Variants in DLGAP3 observed in about 807,000 individuals in gnomAD.
The protein encoded by DLGAP3 is disks large-associated protein 3.
A neutral mutation model predicts 81.2 loss-of-function variants in DLGAP3; 17 were observed. That is an observed-to-expected ratio of 0.21 (90% CI 0.14 to 0.31). The LOEUF (loss-of-function observed/expected upper bound fraction) is 0.31. DLGAP3 is among the 10% of genes least tolerant of loss of function. The pLI, the probability that DLGAP3 is intolerant of heterozygous loss-of-function variation, is 1.00. For missense variants in DLGAP3, 1,124 were observed against 1,388.0 expected (o/e 0.81, Z 3.02); for synonymous variants, 577 against 587.4 (o/e 0.98, Z 0.26).
At chr1:34,909,299 TA>T (rs1228748637) in intron 1 of DLGAP3, among the ~76,000 whole-genome samples, 4 of 152,170 alleles carry the variant, frequency 2.6e-5, no homozygotes, top group African/African-American at 4.8e-5. Context: ...ATGGGCCCTA[TA>T]ATTGCTGCTC....
intron 8 of DLGAP3, among the ~76,000 whole-genome samples, chr1:34,876,808 G>C (rs963830012): frequency 3.9e-5 from 6 of 152,124 alleles, no homozygotes; most frequent in Non-Finnish European, 8.8e-5. Context: ...TTACACAAGA[G>C]CAAGGAAGGC....
In DLGAP3 at chr1:34,869,051, C is replaced by G; in HGVS notation, c.2039G>C (p.Gly680Ala). The change falls in exon 9 of 12, where the codon GGC (glycine) becomes GCC (alanine). Residue 680 changes from glycine to alanine, a missense_variant. Physicochemically the swap from Gly to Ala is moderately conservative, Grantham distance 60. Transcript: ENST00000373347. ...RFKRSNSVTAGVQADLELEGL... is the reference protein window; with the variant it reads ...RFKRSNSVTAAVQADLELEGL... ...CTCCAGCTCCAGGTCTGCCTGCACG[C>G]CAGCCGTCACACTATTGGAGCGCTT... The G allele has an allele frequency of 6.3e-7, 1 of 1,598,586 alleles. No individual in the cohort carries two copies. The highest frequency in any genetic ancestry group is 1.7e-4 in the Middle Eastern group (1 of 6,050).
At position 34,929,048 on chromosome 1, in the gene DLGAP3, C is replaced by T. The variant is rs1639917267; in HGVS notation, c.-135+403G>A. ...CACACTCGGCACAGACACACAGCGA[C>T]ACGCACTCACATTCACACACCTGCA... On this transcript the variant is annotated intron_variant, in intron 1 of 11. Coordinates refer to ENST00000373347, the MANE Select transcript of DLGAP3 (RefSeq NM_001080418.3). This position sits in a 1 kb window ranked among gnomAD's most constrained non-coding sequence, Gnocchi z 6.5. Among the ~76,000 whole-genome samples the T allele has an allele frequency of 6.6e-6, 1 of 152,144 alleles. No homozygotes were observed. The highest frequency in any genetic ancestry group is 1.5e-5 in the Non-Finnish European group (1 of 68,026).
At position 34,904,956 on chromosome 1, in the gene DLGAP3, C is replaced by T; in HGVS notation, c.428G>A (p.Arg143Gln). 2 of 1,613,078 alleles carry T rather than the reference C, an allele frequency of 1.2e-6. No individual in the cohort carries two copies. Among genetic ancestry groups the T allele is most frequent in the Non-Finnish European group, 8.5e-7 (1 of 1,179,736 alleles). ...CCCGGGCCCTGCCCCTGCTGGCCCTCGCTGGTATGGTAGTGTGTGGAAGCC... is the reference window on the plus strand; with the variant it reads ...CCCGGGCCCTGCCCCTGCTGGCCCTTGCTGGTATGGTAGTGTGTGGAAGCC... ...QDGFHTLPYQ[R>Q]GPAGAGPGPA... The change falls in exon 3 of 12, where the codon CGA (arginine) becomes CAA (glutamine). Residue 143 changes from arginine (R) to glutamine (Q), a missense_variant. Arg to Gln is a conservative substitution (Grantham distance 43, BLOSUM62 1). Transcript: ENST00000373347. The surrounding 1 kb of genome is among the most constrained non-coding windows in gnomAD (Gnocchi z 8.1).
rs1639003999 is a variant in DLGAP3 at position 34,873,122 on chromosome 1, G to A, written c.2001-4033C>T. Among the ~76,000 whole-genome samples, 1 of 152,218 alleles carries A rather than the reference G, an allele frequency of 6.6e-6. No individual in the cohort carries two copies. Among genetic ancestry groups the A allele is most frequent in the African/African-American group, 2.4e-5 (1 of 41,450 alleles). On this transcript the variant is annotated intron_variant, in intron 8 of 11. Transcript: ENST00000373347. This position sits in a 1 kb window ranked among gnomAD's most constrained non-coding sequence, Gnocchi z 4.2. ...TCCTCACAAACAGTCCCACTCTATGGATGTTAGTGTCAGCCCTACTTGTAG... is the reference window on the plus strand; with the variant it reads ...TCCTCACAAACAGTCCCACTCTATGAATGTTAGTGTCAGCCCTACTTGTAG...
intron 8 of DLGAP3, among the ~76,000 whole-genome samples, chr1:34,878,888 G>C (rs1639100356): frequency 6.6e-6 from 1 of 151,938 alleles, no homozygotes; most frequent in Non-Finnish European, 1.5e-5. Context: ...GGCTAACATG[G>C]TGAAATCCCG....
rs4548402 is a variant in DLGAP3 at position 34,897,919 on chromosome 1, A to G, written c.1386+1750T>C. ...AAGACTGACTTCAGGCTTTTAAACC[A>G]GAGCTTCTAGAAGGATAAAGTTGCC... On this transcript the variant is annotated intron_variant, in intron 5 of 11. Coordinates refer to ENST00000373347, the MANE Select transcript of DLGAP3 (RefSeq NM_001080418.3). Among the ~76,000 whole-genome samples the G allele has an allele frequency of 1.4e-3, 206 of 152,304 alleles. 1 individual carries two copies. Among genetic ancestry groups the G allele is most frequent in the African/African-American group, 4.8e-3 (199 of 41,552 alleles).
chr1:34,923,919 G>A (rs1639831830), intron 1 of DLGAP3, among the ~76,000 whole-genome samples: 1 of 152,096 alleles, frequency 6.6e-6, no homozygotes, highest in African/African-American at 2.4e-5. Context: ...TTTTTGCCCA[G>A]TATTATCTGG....
Position 34,868,548 on chromosome 1 carries a change from T to G in DLGAP3, c.2485+57A>C. On this transcript the variant is annotated intron_variant, in intron 9 of 11. Coordinates refer to ENST00000373347, the MANE Select transcript of DLGAP3 (RefSeq NM_001080418.3). This position sits in a 1 kb window ranked among gnomAD's most constrained non-coding sequence, Gnocchi z 7.5. ...CCCAGCCACCCCCATCAGGGTCTCC[T>G]GAGCACACACGAGGCCATGGTCCCC... 6.7e-7 allele frequency: 1 copy of G among 1,491,622 alleles called. No individual in the cohort carries two copies. Among genetic ancestry groups the G allele is most frequent in the Non-Finnish European group, 9.3e-7 (1 of 1,073,434 alleles). 92.4% of individuals were successfully genotyped at this position (1,491,622 alleles called of 1,614,324 possible).
intron 1 of DLGAP3, among the ~76,000 whole-genome samples, chr1:34,921,748 T>C (rs1302803911): frequency 6.6e-6 from 1 of 152,206 alleles, no homozygotes; most frequent in Non-Finnish European, 1.5e-5. Flanking sequence ...CACATATATA[T>C]GGCCATAGGT....
chr1:34,883,939 G>T (rs755406857), intron 8 of DLGAP3, among the ~76,000 whole-genome samples: 1 of 151,854 alleles, frequency 6.6e-6, no homozygotes, highest in Non-Finnish European at 1.5e-5. Context: ...GGTTTTTTTT[G>T]AGATAGTCTC....
At chr1:34,885,150 C>G (rs1266107675) in intron 7 of DLGAP3, 87 bp from the exon 8 acceptor site, 4 of 1,296,438 alleles carry the variant, frequency 3.1e-6, no homozygotes, top group Non-Finnish European at 4.4e-6. Flanking sequence ...GGCTGCGCCC[C>G]AAGCCAGCTG....
Position 34,895,273 on chromosome 1 carries a change from C to T in DLGAP3, c.1386+4396G>A, listed in dbSNP as rs1433655016. 1.3e-5 allele frequency among the ~76,000 whole-genome samples: 2 copies of T among 150,662 alleles called. No individual in the cohort carries two copies. Among genetic ancestry groups the T allele is most frequent in the East Asian group, 3.9e-4 (2 of 5,144 alleles). On this transcript the variant is annotated intron_variant, in intron 5 of 11. Transcript: ENST00000373347. The surrounding 1 kb of genome is among the most constrained non-coding windows in gnomAD (Gnocchi z 4.5). ...GTCTCAGCTACTCCGGAGACTGAGG[C>T]AGAAGAATGGCGTGAACCCAGGAAG... is the stretch of plus-strand genomic sequence containing the variant.
intron 5 of DLGAP3, among the ~76,000 whole-genome samples, chr1:34,892,350 G>T (rs1348148148): frequency 6.6e-6 from 1 of 152,142 alleles, no homozygotes; most frequent in African/African-American, 2.4e-5. Flanking sequence ...AGCCTCAGAG[G>T]CCTATGGGAC....
intron 1 of DLGAP3, among the ~76,000 whole-genome samples, chr1:34,919,643 G>C (rs1639768725): frequency 6.6e-6 from 1 of 152,122 alleles, no homozygotes; most frequent in Non-Finnish European, 1.5e-5. Flanking sequence ...AGTCGGGCGT[G>C]GTGGCAAGTG....
intron 1 of DLGAP3, among the ~76,000 whole-genome samples, chr1:34,928,072 C>T (rs1379731535): frequency 1.3e-5 from 2 of 152,170 alleles, no homozygotes; most frequent in Non-Finnish European, 2.9e-5. Context: ...CTGCCTGCTT[C>T]CCAAGGCTGT....
chr1:34,899,543 C>T, intron 5 of DLGAP3, 126 bp downstream of exon 5: 1 of 885,568 alleles, frequency 1.1e-6, no homozygotes, highest in Non-Finnish European at 1.9e-6. Context: ...GCAGGTTTCC[C>T]AGTTTCCCCA....
At chr1:34,896,684 C>T (rs1360124517) in intron 5 of DLGAP3, among the ~76,000 whole-genome samples, 12 of 151,844 alleles carry the variant, frequency 7.9e-5, no homozygotes, top group Non-Finnish European at 1.8e-4. Context: ...CAGCTTCAGA[C>T]GTTAAGTCAA....
Position 34,877,665 on chromosome 1 carries a change from G to C in DLGAP3, c.2000+7313C>G, listed in dbSNP as rs1488232389. On this transcript the variant is annotated intron_variant, in intron 8 of 11. Transcript: ENST00000373347. The stretch of plus-strand genomic sequence containing the variant: ...GAAGATGGGAGGAGAAACTTAAGAA[G>C]GAAATTAAAGTGTTCCAAGATTCTT... Among the ~76,000 whole-genome samples the C allele has an allele frequency of 3.3e-5, 5 of 152,124 alleles. No homozygotes were observed. In the East Asian group the frequency reaches 9.6e-4, roughly 29 times the overall value.
Sources: gnomAD v4.1 joint callset for allele counts (sites outside exome capture counted in the v4.1 genomes callset) on GRCh38, gnomAD v4.1.1 for gene constraint, Gnocchi (gnomAD v3.1) non-coding constraint, MANE v1.5 for transcripts, NCBI Gene and HGNC (gene_info 2026-07-23, HGNC 2026-07-21) for gene names.